ELAC2: variants seen among roughly 807,000 people sequenced by gnomAD.
ELAC2 encodes the protein elaC ribonuclease Z 2.
In ELAC2, 92 loss-of-function variants were observed where a neutral mutation model predicts 105.2. The ratio of observed to expected loss-of-function variants is 0.87; its 90% CI spans 0.74 to 1.04. The LOEUF is 1.04. Ranked by LOEUF, ELAC2 falls within the 50% of genes least tolerant of loss-of-function variation. The probability of loss-of-function intolerance (pLI) is 0.00; values close to 1 mark genes in which losing one functional copy is unlikely to be tolerated. For synonymous variants in ELAC2, 468 were observed against 409.1 expected (o/e 1.14, Z -1.74); for missense variants, 1,099 against 1,071.7 (o/e 1.03, Z -0.36).
intron 7 of ELAC2, 113 bp downstream of exon 7, chr17:13,011,550 G>A (rs2041411799): frequency 1.7e-5 from 26 of 1,551,096 alleles, no homozygotes; most frequent in Non-Finnish European, 2.1e-5. Context: ...CAGGAAGAAG[G>A]ATCTGTTTAC....
At chr17:12,996,448 G>A in intron 17 of ELAC2, 99 bp downstream of exon 17, 2 of 1,579,948 alleles carry the variant, frequency 1.3e-6, no homozygotes, top group Non-Finnish European at 1.7e-6. Context: ...AAAGCTCTGG[G>A]CAAGTTTGGA....
rs777236838 is a variant in ELAC2, at chr17:13,002,323, C to A, written c.1255G>T (p.Gly419Cys). 6 of 1,614,028 alleles carry A rather than the reference C, an allele frequency of 3.7e-6. No individual in the cohort carries two copies. The Admixed American group carries it at 1.0e-4, about 27-fold the overall frequency. Residue 419 changes from glycine to cysteine, a missense_variant, in exon 14 of 24, where the codon GGT becomes TGT. Transcript: ENST00000338034. The stretch of plus-strand genomic sequence containing the variant: ...AGCTGGTACTTGAGGAGGCATTCAC[C>A]CTGAACCATGGGCACACTGAGGGTG... ...GPTLSVPMVQ[G>C]ECLLKYQLRP...
At chr17:13,002,936 AG>A (rs2040901612) in intron 12 of ELAC2, among the ~76,000 whole-genome samples, 2 of 152,200 alleles carry the variant, frequency 1.3e-5, no homozygotes, top group Admixed American at 6.5e-5. Context: ...AGATACGGGC[AG>A]GGGCCAAAAA....
intron 8 of ELAC2, among the ~76,000 whole-genome samples, chr17:13,010,228 T>C (rs1238402419): frequency 6.6e-6 from 1 of 151,990 alleles, no homozygotes; most frequent in Non-Finnish European, 1.5e-5. Flanking sequence ...TGGAGTGCAA[T>C]GGTGCAATCT....
At position 13,018,015 on chromosome 17, in the gene ELAC2, A is replaced by G. The variant is rs2041851152; in HGVS notation, c.-68T>C. 6.5e-7 allele frequency: 1 copy of G among 1,532,164 alleles called. No individual in the cohort carries two copies. The highest frequency in any genetic ancestry group is 8.7e-7 in the Non-Finnish European group (1 of 1,145,816). 94.9% of individuals were successfully genotyped at this position (1,532,164 alleles called of 1,614,324 possible). A position where few individuals can be genotyped will look rare whatever the true frequency, so the allele number is the denominator to read the frequency against. On this transcript the variant is annotated 5_prime_UTR_variant, in exon 1 of 24. The change abolishes the stop of an existing upstream ORF in the 5' untranslated region. Transcript: ENST00000338034. ...CGCCCGCGTTTCCCGTGCACCACCTAGCCGCTCCGCATGGCGGATCCAGCC... is the reference window on the plus strand; with the variant it reads ...CGCCCGCGTTTCCCGTGCACCACCTGGCCGCTCCGCATGGCGGATCCAGCC...
At chr17:13,011,333 A>G (rs977453097) in intron 7 of ELAC2, among the ~76,000 whole-genome samples, 1 of 152,256 alleles carries the variant, frequency 6.6e-6, no homozygotes, top group Non-Finnish European at 1.5e-5. Context: ...ACATTAATGG[A>G]AAATTTGCAT....
Position 13,003,155 on chromosome 17 carries a change from T to C in ELAC2, c.1079+324A>G, listed in dbSNP as rs182496190. 5.3e-5 allele frequency among the ~76,000 whole-genome samples: 8 copies of C among 152,338 alleles called. No individual in the cohort carries two copies. The East Asian group carries it at 1.5e-3, about 29-fold the overall frequency. The stretch of plus-strand genomic sequence containing the variant: ...GTGGGCATTCAGTAAATGGAAGCTA[T>C]CATTTTATAGCTGCAATCTCTTCTT... On this transcript the variant is annotated intron_variant, in intron 12 of 23. Transcript: ENST00000338034.
chr17:12,996,074 C>CCGA (rs1253941980), intron 17 of ELAC2, 96 bp from the exon 18 acceptor site: 1 of 1,342,922 alleles, frequency 7.4e-7, no homozygotes, highest in African/African-American at 1.5e-5. Flanking sequence ...AGTTGCCAGC[C>CCGA]CGACGTCACC....
chr17:12,992,637 A>C lies in ELAC2; in HGVS notation c.*181T>G. On this transcript the variant is annotated 3_prime_UTR_variant, in exon 24 of 24. Transcript: ENST00000338034. Reference sequence around the variant, plus strand: ...GGCTGTGCCAGGCACCAGTCCTAAGAGGCATCTATAGACTAGTGCTTATGT... The same window carrying C: ...GGCTGTGCCAGGCACCAGTCCTAAGCGGCATCTATAGACTAGTGCTTATGT... 1.5e-6 allele frequency: 1 copy of C among 671,656 alleles called. No homozygotes were observed. The highest frequency in any genetic ancestry group is 1.9e-5 in the South Asian group (1 of 53,448). 41.6% of individuals were successfully genotyped at this position (671,656 alleles called of 1,614,324 possible).
In ELAC2 at chr17:12,993,954, C is replaced by T. The variant is rs962707377; in HGVS notation, c.2109-123G>A. The T allele has an allele frequency of 2.1e-5, 28 of 1,362,714 alleles. 1 individual carries two copies. The highest frequency in any genetic ancestry group is 5.8e-5 in the African/African-American group (4 of 69,526). The allele number at this position is 1,362,714 out of a possible 1,614,324, so 84.4% of individuals were successfully genotyped here. ...CGGGGAAGCTGGTGGGTTTTCTTAACGGGCACCTCCGTAGCCAGCACAATC... is the reference window on the plus strand; with the variant it reads ...CGGGGAAGCTGGTGGGTTTTCTTAATGGGCACCTCCGTAGCCAGCACAATC... On this transcript the variant is annotated intron_variant, in intron 22 of 23. Coordinates refer to ENST00000338034, the MANE Select transcript of ELAC2 (RefSeq NM_018127.7).
chr17:12,993,117 G>A, intron 23 of ELAC2, 72 bp from the exon 24 acceptor site: 1 of 1,452,840 alleles, frequency 6.9e-7, no homozygotes, highest in East Asian at 2.3e-5. Flanking sequence ...TGGAAGGGAT[G>A]CAGTCATGTG....
chr17:13,004,862 C>A, intron 11 of ELAC2, 127 bp downstream of exon 11: 1 of 804,888 alleles, frequency 1.2e-6, no homozygotes, highest in Non-Finnish European at 2.2e-6. Context: ...GGCAGGAGTG[C>A]CGGCCTCTGA....
intron 15 of ELAC2, 42 bp downstream of exon 15, chr17:13,000,114 A>G (rs770780181): frequency 6.4e-7 from 1 of 1,569,478 alleles, no homozygotes; most frequent in Non-Finnish European, 8.8e-7. Context: ...CAGCAGGGGC[A>G]GAGCCCAGGA....
rs1057521455 is a variant in ELAC2, at chr17:13,002,498, G to A, written c.1161C>T (p.Thr387=). ...TGTCCGGGTGGATGAGGTTGAGCTG[G>A]GTTTGAATCTTGTGGCTGCGAAGGT... The part of the protein sequence containing the change: ...VHNLRSHKIQ[T]QLNLIHPDIF... Residue 387 remains threonine, a synonymous_variant, in exon 13 of 24, where the codon ACC becomes ACT. Coordinates refer to ENST00000338034, the MANE Select transcript of ELAC2 (RefSeq NM_018127.7). 4 of 1,607,324 alleles carry A rather than the reference G, an allele frequency of 2.5e-6. No homozygotes were observed. Among genetic ancestry groups the A allele is most frequent in the Non-Finnish European group, 3.4e-6 (4 of 1,176,424 alleles).
chr17:12,993,904 C>T, intron 22 of ELAC2, 73 bp from the exon 23 acceptor site: 1 of 1,608,462 alleles, frequency 6.2e-7, no homozygotes, highest in Admixed American at 1.7e-5. Flanking sequence ...TGGCACAGAC[C>T]CTGGCCATCA....
intron 2 of ELAC2, 30 bp downstream of exon 2, chr17:13,017,041 T>TC (rs756062826): frequency 4.5e-5 from 72 of 1,613,390 alleles, no homozygotes; most frequent in Non-Finnish European, 6.0e-5. Flanking sequence ...CGTAATCAAC[T>TC]CCCCCTCCGA....
chr17:13,003,644 C>A, intron 11 of ELAC2, 70 bp from the exon 12 acceptor site: 1 of 1,412,968 alleles, frequency 7.1e-7, no homozygotes, highest in Non-Finnish European at 1.0e-6. Context: ...ACCACGCAGC[C>A]AGGGAGGGGT....
chr17:13,002,288 C>T lies in ELAC2; in HGVS notation c.1290G>A (p.Arg430=). ...ATGGCACAGACCTCTGCCACTCCCTCCTGGGACGGAGCTGGTACTTGAGGA... is the reference window on the plus strand; with the variant it reads ...ATGGCACAGACCTCTGCCACTCCCTTCTGGGACGGAGCTGGTACTTGAGGA... The part of the protein sequence containing the change: ...ECLLKYQLRP[R]REWQRDAIIT... The change falls in exon 14 of 24, where the codon AGG becomes AGA. Residue 430 remains arginine (R), a synonymous_variant. Coordinates refer to ENST00000338034, the MANE Select transcript of ELAC2 (RefSeq NM_018127.7). The T allele has an allele frequency of 6.2e-7, 1 of 1,614,216 alleles. No homozygotes were observed. The highest frequency in any genetic ancestry group is 1.3e-5 in the African/African-American group (1 of 75,060).
chr17:13,001,200 T>TA (rs1386613549), intron 14 of ELAC2, among the ~76,000 whole-genome samples: 6 of 152,106 alleles, frequency 3.9e-5, no homozygotes, highest in Admixed American at 1.3e-4. Context: ...TTCAGATCCT[T>TA]AAAAATTAAA....
Sources: allele counts gnomAD v4.1 joint callset (sites outside exome capture counted in the v4.1 genomes callset), GRCh38; gene constraint gnomAD v4.1.1; transcripts MANE v1.5; gene names NCBI Gene and HGNC (gene_info 2026-07-23, HGNC 2026-07-21).